CRTAC1: variants seen among roughly 807,000 people sequenced by gnomAD.
CRTAC1 encodes acidic secreted protein in cartilage.
Under a neutral mutation model 67.8 loss-of-function variants are expected in CRTAC1, and 37 were observed. The ratio of observed to expected loss-of-function variants is 0.55; its 90% CI spans 0.42 to 0.72. The LOEUF is 0.72. CRTAC1 is among the 30% of genes least tolerant of loss of function. The pLI is 0.00. For missense variants in CRTAC1, 780 were observed against 931.6 expected (o/e 0.84, Z 2.12); for synonymous variants, 348 against 371.0 (o/e 0.94, Z 0.71).
chr10:97,877,463 A>G (rs550987962), intron 14 of CRTAC1, among the ~76,000 whole-genome samples: 2 of 146,758 alleles, frequency 1.4e-5, no homozygotes, highest in East Asian at 3.9e-4. Context: ...TAGGGGCTCA[A>G]CAAATATTGC....
rs1460394295 is a variant in CRTAC1, at chr10:97,975,257, GC to G, written c.224+35880del. Among the ~76,000 whole-genome samples the G allele has an allele frequency of 2.6e-5, 4 of 152,156 alleles. No individual in the cohort carries two copies. The highest frequency in any genetic ancestry group is 9.6e-5 in the African/African-American group (4 of 41,452). ...ATCCCAGGTCGCAGAGGGACCCGGGGCCCGGCTGACTGATGCGGCTGTCCTC... is the reference window on the plus strand; with the variant it reads ...ATCCCAGGTCGCAGAGGGACCCGGGGCCGGCTGACTGATGCGGCTGTCCTC... On this transcript the variant is annotated intron_variant, in intron 2 of 14. Coordinates refer to ENST00000370597, the MANE Select transcript of CRTAC1 (RefSeq NM_018058.7). The surrounding 1 kb of genome is among the most constrained non-coding windows in gnomAD (Gnocchi z 4.8).
chr10:98,026,231 C>T, intron 1 of CRTAC1, among the ~76,000 whole-genome samples: 1 of 152,168 alleles, frequency 6.6e-6, no homozygotes, highest in Admixed American at 6.5e-5. Context: ...CTGAGGCTTG[C>T]AGAGGTTAAG....
rs537616511 is a variant in CRTAC1 at position 98,022,254 on chromosome 10, C to T, written c.24+8195G>A. ...CCTGTAATCCCAGCTACTTGGGAAG[C>T]TGAGGCAGGGGAATCACTTGAACCT... On this transcript the variant is annotated intron_variant, in intron 1 of 14. Coordinates refer to ENST00000370597, the MANE Select transcript of CRTAC1 (RefSeq NM_018058.7). Among the ~76,000 whole-genome samples, 15 of 151,970 alleles carry T rather than the reference C, an allele frequency of 9.9e-5. No individual in the cohort carries two copies. The East Asian group carries it at 2.7e-3, about 27-fold the overall frequency.
chr10:98,026,320 G>T (rs1564941460), intron 1 of CRTAC1, among the ~76,000 whole-genome samples: 1 of 152,178 alleles, frequency 6.6e-6, no homozygotes, highest in Non-Finnish European at 1.5e-5. Context: ...ATGAGAGGGG[G>T]AAGGGTCAGC....
At chr10:97,976,069 G>T (rs1238127401) in intron 2 of CRTAC1, among the ~76,000 whole-genome samples, 1 of 152,202 alleles carries the variant, frequency 6.6e-6, no homozygotes, top group Non-Finnish European at 1.5e-5. Flanking sequence ...CGTGCCTGGA[G>T]AGCCTGTTCC....
chr10:97,972,852 C>G (rs993563901), intron 2 of CRTAC1, among the ~76,000 whole-genome samples: 7 of 152,064 alleles, frequency 4.6e-5, no homozygotes, highest in African/African-American at 1.7e-4. Flanking sequence ...CAAAAAACAA[C>G]GTAGCCTTAT....
intron 12 of CRTAC1, 70 bp downstream of exon 12, chr10:97,884,136 C>G: frequency 6.6e-7 from 1 of 1,505,728 alleles, no homozygotes; most frequent in Non-Finnish European, 8.9e-7. Context: ...CCTGGGAACC[C>G]AGCTTCAGCC....
intron 2 of CRTAC1, among the ~76,000 whole-genome samples, chr10:97,951,021 T>C (rs933259175): frequency 1.3e-5 from 2 of 152,194 alleles, no homozygotes; most frequent in South Asian, 2.1e-4. Flanking sequence ...CTCTTCATGA[T>C]GGTGAAATTC....
intron 2 of CRTAC1, among the ~76,000 whole-genome samples, chr10:97,942,815 C>G (rs934143272): frequency 6.6e-6 from 1 of 151,340 alleles, no homozygotes; most frequent in South Asian, 2.1e-4. Flanking sequence ...GCCTGTAATC[C>G]CAGCACTTCA....
At chr10:97,894,750 ATATATATATATATATG>A (rs1254025000) in intron 11 of CRTAC1, among the ~76,000 whole-genome samples, 4 of 83,744 alleles carry the variant, frequency 4.8e-5, no homozygotes, top group Non-Finnish European at 9.4e-5. Flanking sequence ...ATATATATAT[ATATATATATATATATG>A]ATAGGATTTT....
At chr10:97,947,119 T>A (rs1423110792) in intron 2 of CRTAC1, among the ~76,000 whole-genome samples, 2 of 152,226 alleles carry the variant, frequency 1.3e-5, no homozygotes, top group Non-Finnish European at 2.9e-5. Context: ...GACAGAATAG[T>A]TGGGGCAAGG....
rs2050008687 is a variant in CRTAC1 at position 97,865,467 on chromosome 10, C to T, written c.*81G>A. 6.6e-7 allele frequency: 1 copy of T among 1,508,864 alleles called. No individual in the cohort carries two copies. Among genetic ancestry groups the T allele is most frequent in the Non-Finnish European group, 9.0e-7 (1 of 1,116,768 alleles). The allele number at this position is 1,508,864 out of a possible 1,614,324, so 93.5% of individuals were successfully genotyped here. On this transcript the variant is annotated 3_prime_UTR_variant, in exon 15 of 15. Transcript: ENST00000370597. ...GGTCTAGCTCCCAGGCCTTTACATC[C>T]CTACTGTCTAGGCAGCAGCACAAGC... is the stretch of plus-strand genomic sequence containing the variant.
Position 97,880,326 on chromosome 10 carries a change from T to C in CRTAC1, c.1742A>G (p.Tyr581Cys), listed in dbSNP as rs1441247164. 3 of 1,614,176 alleles carry C rather than the reference T, an allele frequency of 1.9e-6. No individual in the cohort carries two copies. The highest frequency in any genetic ancestry group is 1.1e-5 in the South Asian group (1 of 91,080). ...GTTGGTCCGGCACCTGTAGCTTCCA[T>C]AGGTGTTGACACATACGGGCTTGTC... ...PRDKPVCVNT[Y>C]GSYRCRTNKK... Residue 581 changes from tyrosine to cysteine, a missense_variant, in exon 14 of 15, where the codon TAT becomes TGT. Tyr to Cys is a radical substitution (Grantham distance 194). Coordinates refer to ENST00000370597, the MANE Select transcript of CRTAC1 (RefSeq NM_018058.7).
chr10:97,995,365 CTT>C (rs1842543816), intron 2 of CRTAC1, among the ~76,000 whole-genome samples: 2 of 152,304 alleles, frequency 1.3e-5, no homozygotes, highest in African/African-American at 4.8e-5. Flanking sequence ...CTGTAGAACT[CTT>C]TCTATTTTGC....
At chr10:97,936,117 T>C in intron 3 of CRTAC1, 53 bp downstream of exon 3, 4 of 1,514,682 alleles carry the variant, frequency 2.6e-6, no homozygotes, top group Non-Finnish European at 3.6e-6. Context: ...CCCAAGTTGC[T>C]ACTGGGAGGG....
chr10:97,954,451 CG>C (rs1338669509), intron 2 of CRTAC1, among the ~76,000 whole-genome samples: 2 of 152,166 alleles, frequency 1.3e-5, no homozygotes, highest in Non-Finnish European at 2.9e-5. Context: ...AGGAGGAAAG[CG>C]GAAGCCTGAG....
chr10:97,952,604 A>G (rs1052517200), intron 2 of CRTAC1, among the ~76,000 whole-genome samples: 1 of 151,102 alleles, frequency 6.6e-6, no homozygotes, highest in African/African-American at 2.4e-5. Flanking sequence ...ACTGATTAGA[A>G]TTGCTAGACC....
intron 2 of CRTAC1, among the ~76,000 whole-genome samples, chr10:97,952,560 AAAG>A (rs1243676752): frequency 5.3e-5 from 8 of 149,954 alleles, no homozygotes; most frequent in African/African-American, 1.9e-4. Flanking sequence ...AAAAAAAAAA[AAAG>A]AACGCAAATT....
chr10:97,987,146 A>G (rs1197806789), intron 2 of CRTAC1, among the ~76,000 whole-genome samples: 1 of 152,226 alleles, frequency 6.6e-6, no homozygotes, highest in African/African-American at 2.4e-5. Flanking sequence ...ACACACAAAT[A>G]CAATGGTTGT....
Sources: allele counts gnomAD v4.1 joint callset (sites outside exome capture counted in the v4.1 genomes callset), GRCh38; gene constraint gnomAD v4.1.1; non-coding constraint Gnocchi (gnomAD v3.1); transcripts MANE v1.5; gene names NCBI Gene and HGNC (gene_info 2026-07-23, HGNC 2026-07-21).